CADM2: variants seen among roughly 807,000 people sequenced by gnomAD.
The protein encoded by CADM2 is cell adhesion molecule 2, also known as immunoglobulin superfamily member 4D.
CADM2 carries 12 observed loss-of-function variants against 49.8 expected under a neutral mutation model. The observed-to-expected ratio is 0.24, with a 90% CI of 0.15 to 0.39. The LOEUF is 0.39. Ranked by LOEUF, CADM2 falls within the 10% of genes least tolerant of loss-of-function variation. The probability of loss-of-function intolerance (pLI) is 1.00; values close to 1 mark genes in which losing one functional copy is unlikely to be tolerated. For synonymous variants in CADM2, 214 were observed against 175.4 expected (o/e 1.22, Z -1.74); for missense variants, 378 against 492.3 (o/e 0.77, Z 2.20).
chr3:85,267,291 T>G lies in CADM2; in HGVS notation c.61+307623T>G, dbSNP rs73845423. On this transcript the variant is annotated intron_variant, in intron 1 of 9. Transcript: ENST00000383699. ...AAATGTGGTTTTGTCTGGTTACAGT[T>G]GGCATTTAAGGATCTGCCTTCACCT... 4.8e-3 allele frequency among the ~76,000 whole-genome samples: 723 copies of G among 151,898 alleles called. 4 individuals carry two copies. The highest frequency in any genetic ancestry group is 0.027 in the Middle Eastern group (8 of 294).
intron 1 of CADM2, among the ~76,000 whole-genome samples, chr3:85,066,090 A>C (rs1262385861): frequency 1.3e-5 from 2 of 152,106 alleles, no homozygotes; most frequent in Non-Finnish European, 2.9e-5. Context: ...CAACAAACTA[A>C]AAGAAAAAAC....
chr3:85,603,909 A>G (rs12714630), intron 1 of CADM2, among the ~76,000 whole-genome samples: 118,407 of 151,806 alleles, frequency 0.78, 48,869 homozygotes, highest in East Asian at 0.91. Context: ...CCTTTAAAGT[A>G]TTTTAAAGCT....
chr3:85,312,457 A>T (rs886340653), intron 1 of CADM2, among the ~76,000 whole-genome samples: 8 of 152,048 alleles, frequency 5.3e-5, no homozygotes, highest in African/African-American at 1.7e-4. Flanking sequence ...CTAGATTTTA[A>T]TTCAGTGTAA....
chr3:85,770,618 G>A (rs1248805341), intron 2 of CADM2, among the ~76,000 whole-genome samples: 2 of 152,104 alleles, frequency 1.3e-5, no homozygotes, highest in Non-Finnish European at 2.9e-5. Context: ...TTATATGATA[G>A]GGAGATTAAA....
At chr3:85,599,421 C>T (rs552649384) in intron 1 of CADM2, among the ~76,000 whole-genome samples, 2 of 152,058 alleles carry the variant, frequency 1.3e-5, no homozygotes, top group African/African-American at 2.4e-5. Context: ...TGTTAGCCAT[C>T]GAGCACAAGG....
At chr3:85,006,024 C>A (rs1384777887) in intron 1 of CADM2, among the ~76,000 whole-genome samples, 1 of 152,064 alleles carries the variant, frequency 6.6e-6, no homozygotes, top group Non-Finnish European at 1.5e-5. Context: ...GTACGGCCAG[C>A]AGAAGTAACT....
At chr3:84,996,748 T>C (rs374832012) in intron 1 of CADM2, among the ~76,000 whole-genome samples, 4 of 152,134 alleles carry the variant, frequency 2.6e-5, no homozygotes, top group African/African-American at 9.7e-5. Flanking sequence ...TCTTCTAAGT[T>C]AATTAGATAA....
chr3:85,494,350 A>G (rs1470886934), intron 1 of CADM2, among the ~76,000 whole-genome samples: 1 of 152,134 alleles, frequency 6.6e-6, no homozygotes, highest in Non-Finnish European at 1.5e-5. Context: ...CTTTATGCCA[A>G]TTATTATTTT....
chr3:85,501,209 G>A (rs994495664), intron 1 of CADM2, among the ~76,000 whole-genome samples: 1 of 152,128 alleles, frequency 6.6e-6, no homozygotes, highest in Non-Finnish European at 1.5e-5. Flanking sequence ...AAAATGTGGT[G>A]ATTAGGATAA....
At chr3:85,620,082 A>G (rs1216695828) in intron 1 of CADM2, among the ~76,000 whole-genome samples, 1 of 152,166 alleles carries the variant, frequency 6.6e-6, no homozygotes, top group African/African-American at 2.4e-5. Flanking sequence ...TGCAGGCAGC[A>G]TTGATTCATG....
At chr3:85,571,658 C>T (rs894272433) in intron 1 of CADM2, among the ~76,000 whole-genome samples, 1 of 152,150 alleles carries the variant, frequency 6.6e-6, no homozygotes, top group Non-Finnish European at 1.5e-5. Flanking sequence ...TTATTTTTCT[C>T]ATGCTTTGTT....
chr3:85,455,846 C>CGT (rs1443890667), intron 1 of CADM2, among the ~76,000 whole-genome samples: 2 of 151,902 alleles, frequency 1.3e-5, no homozygotes, highest in African/African-American at 2.4e-5. Flanking sequence ...TGAGTGTGTT[C>CGT]GTGTGTGTGT....
At chr3:85,449,665 A>G (rs761733207) in intron 1 of CADM2, among the ~76,000 whole-genome samples, 1 of 152,148 alleles carries the variant, frequency 6.6e-6, no homozygotes, top group Non-Finnish European at 1.5e-5. Flanking sequence ...TGACTTAAAC[A>G]TCATGTTTAC....
At position 85,576,871 on chromosome 3, in the gene CADM2, A is replaced by G. The variant is rs142747781; in HGVS notation, c.62-149651A>G. On this transcript the variant is annotated intron_variant, in intron 1 of 9. Transcript: ENST00000383699. ...TCCCTTTTATTCTCTATTCATGTGA[A>G]TAATATCCCCTATTGTATTCTATAA... Among the ~76,000 whole-genome samples the G allele has an allele frequency of 3.3e-3, 508 of 152,258 alleles. 1 individual carries two copies. The highest frequency in any genetic ancestry group is 5.3e-3 in the Non-Finnish European group (359 of 68,010).
chr3:85,644,418 TA>T (rs1465255580), intron 1 of CADM2, among the ~76,000 whole-genome samples: 1 of 152,168 alleles, frequency 6.6e-6, no homozygotes, highest in Non-Finnish European at 1.5e-5. Context: ...AGCATATGAA[TA>T]GTGGTGGAGG....
chr3:85,260,578 A>T (rs924508583), intron 1 of CADM2, among the ~76,000 whole-genome samples: 1 of 152,176 alleles, frequency 6.6e-6, no homozygotes, highest in Non-Finnish European at 1.5e-5. Flanking sequence ...CATGAAATAC[A>T]TGGTGCCTGC....
At chr3:85,749,700 C>T (rs1425876054) in intron 2 of CADM2, among the ~76,000 whole-genome samples, 1 of 151,972 alleles carries the variant, frequency 6.6e-6, no homozygotes, top group East Asian at 1.9e-4. Context: ...ACATGACAAT[C>T]ACTAAGCCCA....
intron 1 of CADM2, among the ~76,000 whole-genome samples, chr3:85,360,863 C>T (rs573363641): frequency 6.6e-6 from 1 of 152,256 alleles, no homozygotes; most frequent in African/African-American, 2.4e-5. Flanking sequence ...CACTGAGCCA[C>T]TCCCTGGTTC....
At chr3:86,034,538 A>G (rs1424950158) in intron 8 of CADM2, among the ~76,000 whole-genome samples, 1 of 152,044 alleles carries the variant, frequency 6.6e-6, no homozygotes, top group East Asian at 1.9e-4. Context: ...AAATAAATGT[A>G]TGCTATTTAT....
Sources: allele counts gnomAD v4.1 joint callset (sites outside exome capture counted in the v4.1 genomes callset), GRCh38; gene constraint gnomAD v4.1.1; transcripts MANE v1.5; gene names NCBI Gene and HGNC (gene_info 2026-07-23, HGNC 2026-07-21).